GLRA2: variants seen among roughly 807,000 people sequenced by gnomAD.
GLRA2 encodes glycine receptor alpha 2, also known as glycine receptor subunit alpha-2.
GLRA2 carries 11 observed loss-of-function variants against 31.6 expected under a neutral mutation model. The ratio of observed to expected loss-of-function variants is 0.35; its 90% CI spans 0.22 to 0.58. GLRA2 has a LOEUF of 0.58. Ranked by LOEUF, GLRA2 falls within the 20% of genes least tolerant of loss-of-function variation. GLRA2 has a pLI of 0.84. For missense variants in GLRA2, 212 were observed against 351.8 expected, an observed-to-expected ratio of 0.60 and a Z score of 3.18; for synonymous variants, 132 against 134.0, an observed-to-expected ratio of 0.99 and a Z score of 0.10.
At chrX:14,526,423 C>T (rs1438056764), upstream of GLRA2, among the ~76,000 whole-genome samples, 1 of 112,147 alleles carries the variant, frequency 8.9e-6, no homozygotes, top group Non-Finnish European at 1.9e-5. Flanking sequence ...TTTCAGCATA[C>T]AGGATGAGGT....
At chrX:14,453,297 A>G in the GLRA2 span, among the ~76,000 whole-genome samples, 5,588 of 111,095 alleles carry the variant, frequency 0.05, 340 homozygotes, top group African/African-American at 0.17. Flanking sequence ...GACATGTTTG[A>G]TTTTAATAAA....
chrX:14,655,008 G>C (rs974871516), intron 7 of GLRA2, among the ~76,000 whole-genome samples: 1 of 111,308 alleles, frequency 9.0e-6, no homozygotes, highest in African/African-American at 3.3e-5. Context: ...CTCCCACTGG[G>C]TCCCTCCCAT....
intron 7 of GLRA2, among the ~76,000 whole-genome samples, chrX:14,688,789 G>T (rs1355699505): frequency 9.1e-6 from 1 of 110,289 alleles, no homozygotes; most frequent in Non-Finnish European, 1.9e-5. Flanking sequence ...CTCACGCTCG[G>T]TGGGCTGCAC....
chrX:14,685,940 G>T (rs1176902116), intron 7 of GLRA2, among the ~76,000 whole-genome samples: 1 of 111,612 alleles, frequency 9.0e-6, no homozygotes, highest in African/African-American at 3.3e-5. Context: ...GCTTTCTCTT[G>T]TGGCATTTAG....
At chrX:14,568,475 C>G (rs1412349111) in intron 2 of GLRA2, among the ~76,000 whole-genome samples, 7 of 109,005 alleles carry the variant, frequency 6.4e-5, no homozygotes, top group African/African-American at 2.3e-4. Flanking sequence ...GGCAGATTAC[C>G]TGAAGTCAGG....
rs369475820 is a variant in GLRA2, at chrX:14,620,685, G to A, written c.930+11480G>A. On this transcript the variant is annotated intron_variant, in intron 7 of 8. Transcript: ENST00000218075. Reference sequence around the variant, plus strand: ...GGACTGCAGTTTGCTTTCCAAAAATGACTATAACTTAAAGAAACTGGAATA... The same window carrying A: ...GGACTGCAGTTTGCTTTCCAAAAATAACTATAACTTAAAGAAACTGGAATA... Among the ~76,000 whole-genome samples, 16 of 110,800 alleles carry A rather than the reference G, an allele frequency of 1.4e-4. 1 individual carries two copies. Among genetic ancestry groups the A allele is most frequent in the East Asian group, 8.6e-4 (3 of 3,501 alleles).
chrX:14,583,413 A>AC (rs1301421470), intron 4 of GLRA2, among the ~76,000 whole-genome samples: 1 of 112,667 alleles, frequency 8.9e-6, no homozygotes, highest in Middle Eastern at 4.2e-3. Context: ...CACAGAATCA[A>AC]CCTAAATGTC....
the GLRA2 span, among the ~76,000 whole-genome samples, chrX:14,485,981 G>A: frequency 2.7e-5 from 3 of 111,645 alleles, no homozygotes; most frequent in East Asian, 5.6e-4. Flanking sequence ...ATAAATGGAC[G>A]CACAGATTAG....
chrX:14,675,222 T>C (rs1000017229), intron 7 of GLRA2, among the ~76,000 whole-genome samples: 8 of 111,468 alleles, frequency 7.2e-5, no homozygotes, highest in Non-Finnish European at 1.3e-4. Context: ...CTGCAGAGTG[T>C]CCCTATGGTG....
the GLRA2 span, among the ~76,000 whole-genome samples, chrX:14,492,619 G>A: frequency 9.0e-6 from 1 of 111,553 alleles, no homozygotes. Context: ...TGGTGAGGAT[G>A]CAGAGCTACT....
chrX:14,670,779 C>CT lies in GLRA2; in HGVS notation c.931-19930dup, dbSNP rs1028315195. Among the ~76,000 whole-genome samples, 49 of 111,678 alleles carry CT rather than the reference C, an allele frequency of 4.4e-4. 1 individual carries two copies. Among genetic ancestry groups the CT allele is most frequent in the African/African-American group, 6.5e-5 (2 of 30,698 alleles). ...ACCATATCACTGTTAAAACCTTTAA[C>CT]TAACTGATGTCCTGTCAACAGGAGT... is the stretch of plus-strand genomic sequence containing the variant. On this transcript the variant is annotated intron_variant, in intron 7 of 8. Coordinates refer to ENST00000218075, the MANE Select transcript of GLRA2 (RefSeq NM_002063.4).
the GLRA2 span, among the ~76,000 whole-genome samples, chrX:14,458,458 C>T: frequency 5.4e-5 from 6 of 112,106 alleles, no homozygotes; most frequent in African/African-American, 9.7e-5. Context: ...CTGACTTCCA[C>T]GATGGTTGAA....
the GLRA2 span, among the ~76,000 whole-genome samples, chrX:14,515,505 C>A: frequency 9.0e-6 from 1 of 111,491 alleles, no homozygotes; most frequent in Admixed American, 9.5e-5. Context: ...CGTGTTAGAT[C>A]TTGTCTTTCT....
At chrX:14,667,412 AG>A (rs2091047299) in intron 7 of GLRA2, among the ~76,000 whole-genome samples, 1 of 111,970 alleles carries the variant, frequency 8.9e-6, no homozygotes, top group African/African-American at 3.2e-5. Flanking sequence ...AGTGGGCACT[AG>A]AGAGCCATAG....
At chrX:14,718,014 A>G (rs2091815440) in intron 8 of GLRA2, among the ~76,000 whole-genome samples, 1 of 111,130 alleles carries the variant, frequency 9.0e-6, no homozygotes, top group Non-Finnish European at 1.9e-5. Flanking sequence ...CTAATGTATC[A>G]TTACTGAGAT....
At chrX:14,593,033 C>T (rs2090161578) in intron 4 of GLRA2, among the ~76,000 whole-genome samples, 1 of 111,860 alleles carries the variant, frequency 8.9e-6, no homozygotes, top group Admixed American at 9.5e-5. Context: ...GCTCAACTTA[C>T]ATTAATGTGG....
the GLRA2 span, among the ~76,000 whole-genome samples, chrX:14,479,763 C>G: frequency 9.0e-6 from 1 of 111,551 alleles, no homozygotes; most frequent in Non-Finnish European, 1.9e-5. Context: ...TTCTCTTTAT[C>G]CAGTCCACTA....
At chrX:14,714,842 C>T (rs1229118338) in intron 8 of GLRA2, among the ~76,000 whole-genome samples, 2 of 111,781 alleles carry the variant, frequency 1.8e-5, no homozygotes, top group African/African-American at 3.2e-5. Context: ...GACTTAAAAA[C>T]GGATGTTTGG....
the GLRA2 span, among the ~76,000 whole-genome samples, chrX:14,476,992 GT>G: frequency 8.9e-6 from 1 of 111,798 alleles, no homozygotes; most frequent in Admixed American, 9.5e-5. Context: ...AGCTTTAACT[GT>G]TTTAATGCAA....
Sources: allele counts gnomAD v4.1 joint callset (sites outside exome capture counted in the v4.1 genomes callset), GRCh38; gene constraint gnomAD v4.1.1; transcripts MANE v1.5; gene names NCBI Gene and HGNC (gene_info 2026-07-23, HGNC 2026-07-21).